The following TOP2B variants were observed in gnomAD, a reference collection of about 807,000 sequenced individuals.
TOP2B encodes the protein DNA topoisomerase 2-beta.
TOP2B carries 51 observed loss-of-function variants against 193.5 expected under a neutral mutation model. That is an observed-to-expected ratio of 0.26 (90% CI 0.21 to 0.33). TOP2B has a LOEUF of 0.33. TOP2B is among the 10% of genes least tolerant of loss of function. The pLI, the probability that TOP2B is intolerant of heterozygous loss-of-function variation, is 1.00. For missense variants in TOP2B, 1,378 were observed against 1,909.3 expected (o/e 0.72, Z 5.19); for synonymous variants, 634 against 635.7 (o/e 1.00, Z 0.04).
chr3:25,664,733 G>A lies in TOP2B; in HGVS notation c.-436C>T, dbSNP rs1704039598. ...TCCTTCTCACACTCCGCGAAGGCCA[G>A]CCACTCGAGTCGCCAGAGTAGTCGT... On this transcript the variant is annotated 5_prime_UTR_variant, in exon 1 of 36. Transcript: ENST00000264331. 3 of 987,574 alleles carry A rather than the reference G, an allele frequency of 3.0e-6. No homozygotes were observed. Among genetic ancestry groups the A allele is most frequent in the South Asian group, 4.7e-5 (1 of 21,410 alleles). The allele number at this position is 987,574 out of a possible 1,614,324, so 61.2% of individuals were successfully genotyped here.
intron 34 of TOP2B, among the ~76,000 whole-genome samples, chr3:25,600,286 C>A (rs1702056138): frequency 6.6e-6 from 1 of 152,182 alleles, no homozygotes; most frequent in African/African-American, 2.4e-5. Flanking sequence ...TCTTTAAAAT[C>A]CCTTGACAGC....
chr3:25,603,630 T>A (rs6789234), intron 33 of TOP2B, among the ~76,000 whole-genome samples: 54,301 of 152,006 alleles, frequency 0.36, 10,268 homozygotes, highest in African/African-American at 0.48. Context: ...TCCTAGAGTA[T>A]GGATTCAAGT....
chr3:25,607,331 C>A lies in TOP2B; in HGVS notation c.4138G>T (p.Asp1380Tyr). 1 of 1,552,290 alleles carries A rather than the reference C, an allele frequency of 6.4e-7. No individual in the cohort carries two copies. Among genetic ancestry groups the A allele is most frequent in the Non-Finnish European group, 8.7e-7 (1 of 1,147,138 alleles). ...TCATCATCATCATCATCAGCATCAT[C>A]ATCCTCTTCTTCTGAGAAATCAAAT... ...YTFDFSEEED[D>Y]DADDDDDDNN... The change falls in exon 31 of 36, where the codon GAT (aspartate) becomes TAT (tyrosine). Residue 1380 changes from aspartate (D) to tyrosine (Y), a missense_variant. By Grantham distance (160) the Asp-to-Tyr change is radical. Transcript: ENST00000264331.
chr3:25,643,151 CT>C (rs1462740428), intron 3 of TOP2B, among the ~76,000 whole-genome samples: 2 of 152,152 alleles, frequency 1.3e-5, no homozygotes, highest in East Asian at 3.8e-4. Context: ...AAGAGAATTT[CT>C]AGAGTGTCCT....
rs1468436727 is a variant in TOP2B, at chr3:25,618,346, G to A, written c.3351+72C>T. ...AGTAGTACTAAATTTAAAATTTAGG[G>A]GTTGAATTTTTGTTTGTTTTGGAAG... On this transcript the variant is annotated intron_variant, in intron 25 of 35. Transcript: ENST00000264331. 4.6e-6 allele frequency: 5 copies of A among 1,080,372 alleles called. No homozygotes were observed. The Admixed American group carries it at 8.2e-5, about 18-fold the overall frequency. 66.9% of individuals were successfully genotyped at this position (1,080,372 alleles called of 1,614,324 possible). A position where few individuals can be genotyped will look rare whatever the true frequency, so the allele number is the denominator to read the frequency against.
At position 25,652,906 on chromosome 3, in the gene TOP2B, A is replaced by G. The variant is rs147766054; in HGVS notation, c.70-7436T>C. On this transcript the variant is annotated intron_variant, in intron 1 of 35. Transcript: ENST00000264331. Reference sequence around the variant, plus strand: ...ACAAAACTGACAAATCGTTAGCTAGATTACATAAGAAAAAAAAGAGATAAT... The same window carrying G: ...ACAAAACTGACAAATCGTTAGCTAGGTTACATAAGAAAAAAAAGAGATAAT... Among the ~76,000 whole-genome samples, 416 of 152,216 alleles carry G rather than the reference A, an allele frequency of 2.7e-3. 1 individual carries two copies. Among genetic ancestry groups the G allele is most frequent in the African/African-American group, 9.2e-3 (382 of 41,558 alleles).
At chr3:25,651,439 T>A (rs889048178) in intron 1 of TOP2B, among the ~76,000 whole-genome samples, 2 of 132,724 alleles carry the variant, frequency 1.5e-5, no homozygotes, top group African/African-American at 5.7e-5. Flanking sequence ...AATCAAAACA[T>A]GTCACTAAAA....
intron 33 of TOP2B, among the ~76,000 whole-genome samples, chr3:25,603,706 A>G (rs1000569810): frequency 5.3e-5 from 8 of 152,252 alleles, no homozygotes; most frequent in Non-Finnish European, 7.3e-5. Flanking sequence ...GAAGGCAGCC[A>G]GTAATAGGTA....
rs1021085406 is a variant in TOP2B, at chr3:25,650,139, T to C, written c.70-4669A>G. On this transcript the variant is annotated intron_variant, in intron 1 of 35. Transcript: ENST00000264331. ...TAATTATTTATCATCAAAACTCTCA[T>C]AAAATTGCTCTTGTTTGATGAAAGG... Among the ~76,000 whole-genome samples the C allele has an allele frequency of 6.6e-5, 10 of 152,222 alleles. No homozygotes were observed. The East Asian group carries it at 1.7e-3, about 26-fold the overall frequency.
At chr3:25,657,388 A>C (rs1703776801) in intron 1 of TOP2B, among the ~76,000 whole-genome samples, 1 of 152,168 alleles carries the variant, frequency 6.6e-6, no homozygotes, top group Non-Finnish European at 1.5e-5. Context: ...TGAGAAACCT[A>C]TTCTGCACCT....
In TOP2B at chr3:25,638,314, T is replaced by TAA. The variant is rs56986587; in HGVS notation, c.396-6_396-5dup. The TAA allele has an allele frequency of 4.5e-5, 6 of 131,922 alleles. No homozygotes were observed. Among genetic ancestry groups the TAA allele is most frequent in the African/African-American group, 2.0e-4 (2 of 10,130 alleles). 8.2% of individuals were successfully genotyped at this position (131,922 alleles called of 1,614,324 possible). On this transcript the variant is annotated splice_region_variant and splice_polypyrimidine_tract_variant and intron_variant, in intron 4 of 35. Coordinates refer to ENST00000264331, the MANE Select transcript of TOP2B (RefSeq NM_001330700.2). ...AATGCTTATAATGTTAGATTCACTG[T>TAA]AAAAAAAAAAAAAAAAAAAAAAAAA...
Position 25,618,827 on chromosome 3 carries a change from C to G in TOP2B, c.3086G>C (p.Cys1029Ser). ...NSMVLFDHMGCLKKYETVQDI... is the reference protein window; with the variant it reads ...NSMVLFDHMGSLKKYETVQDI... Reference sequence around the variant, plus strand: ...TTGCACAGTTTCATATTTCTTCAGACATCCCATATGATCAAAAAGTACCTA... The same window carrying G: ...TTGCACAGTTTCATATTTCTTCAGAGATCCCATATGATCAAAAAGTACCTA... Residue 1029 changes from cysteine (C) to serine (S), a missense_variant, in exon 24 of 36, where the codon TGT becomes TCT. Transcript: ENST00000264331. The G allele has an allele frequency of 6.2e-7, 1 of 1,606,224 alleles. No individual in the cohort carries two copies. The highest frequency in any genetic ancestry group is 8.5e-7 in the Non-Finnish European group (1 of 1,175,666).
At chr3:25,637,335 A>C in intron 5 of TOP2B, 23 bp from the exon 6 acceptor site, 1 of 1,503,868 alleles carries the variant, frequency 6.6e-7, no homozygotes, top group Non-Finnish European at 9.0e-7. Context: ...TTAAATGTAA[A>C]AGGTTTAGTA....
Position 25,607,076 on chromosome 3 carries a change from G to C in TOP2B, c.4298+95C>G, listed in dbSNP as rs1702253231. The C allele has an allele frequency of 3.4e-6, 5 of 1,475,480 alleles. No homozygotes were observed. The East Asian group carries it at 1.2e-4, about 34-fold the overall frequency. The allele number at this position is 1,475,480 out of a possible 1,614,324, so 91.4% of individuals were successfully genotyped here. A position where few individuals can be genotyped will look rare whatever the true frequency, so the allele number is the denominator to read the frequency against. The stretch of plus-strand genomic sequence containing the variant: ...TCCTTCATGAAGAAGAACTTGCCTA[G>C]AATGATAACAATTTCTTAGAAGAGC... On this transcript the variant is annotated intron_variant, in intron 31 of 35. Transcript: ENST00000264331.
At position 25,628,964 on chromosome 3, in the gene TOP2B, TA is replaced by T. The variant is rs1206803077; in HGVS notation, c.1801-13del. The stretch of plus-strand genomic sequence containing the variant: ...TTATTTTTGCTTGCCTTAAATTAAT[TA>T]AAAAACAAAATTAGTTTTTCTGCTA... On this transcript the variant is annotated splice_polypyrimidine_tract_variant and intron_variant, in intron 14 of 35. Coordinates refer to ENST00000264331, the MANE Select transcript of TOP2B (RefSeq NM_001330700.2). 5 of 1,588,508 alleles carry T rather than the reference TA, an allele frequency of 3.1e-6. No individual in the cohort carries two copies. The highest frequency in any genetic ancestry group is 1.8e-5 in the Admixed American group (1 of 55,214).
At chr3:25,658,681 T>C (rs964984144) in intron 1 of TOP2B, among the ~76,000 whole-genome samples, 4 of 152,196 alleles carry the variant, frequency 2.6e-5, no homozygotes, top group Admixed American at 2.6e-4. Context: ...ACCTATCTTA[T>C]GGCACTTTTG....
chr3:25,632,870 C>T (rs995360907), intron 8 of TOP2B, 76 bp from the exon 9 acceptor site: 3 of 1,216,984 alleles, frequency 2.5e-6, no homozygotes, highest in East Asian at 4.7e-5. Flanking sequence ...GTATTATAAA[C>T]CCTATTTTCT....
At chr3:25,607,810 T>G (rs1248575058) in intron 30 of TOP2B, among the ~76,000 whole-genome samples, 1 of 152,204 alleles carries the variant, frequency 6.6e-6, no homozygotes, top group Non-Finnish European at 1.5e-5. Flanking sequence ...ACACAGAGTC[T>G]TGTTCTGCTG....
chr3:25,615,301 AG>A lies in TOP2B; in HGVS notation c.3508-14del, dbSNP rs1314109167. On this transcript the variant is annotated splice_polypyrimidine_tract_variant and intron_variant, in intron 26 of 35. Coordinates refer to ENST00000264331, the MANE Select transcript of TOP2B (RefSeq NM_001330700.2). ...TGACCTCTCGCCCCTATAATAAAAA[AG>A]TACAGTTTAAACATTCAATAGTTTT... 6.2e-7 allele frequency: 1 copy of A among 1,601,896 alleles called. No individual in the cohort carries two copies. Among genetic ancestry groups the A allele is most frequent in the African/African-American group, 1.3e-5 (1 of 74,162 alleles).
Sources: allele counts gnomAD v4.1 joint callset (sites outside exome capture counted in the v4.1 genomes callset), GRCh38; gene constraint gnomAD v4.1.1; transcripts MANE v1.5; gene names NCBI Gene and HGNC (gene_info 2026-07-23, HGNC 2026-07-21).